Variants in HSPG2 observed in about 807,000 individuals in gnomAD.
HSPG2 encodes the protein basement membrane-specific heparan sulfate proteoglycan core protein.
A neutral mutation model predicts 526.6 loss-of-function variants in HSPG2; 278 were observed. The observed-to-expected ratio is 0.53, with a 90% confidence interval of 0.48 to 0.58. HSPG2 has a LOEUF of 0.58. HSPG2 is among the 20% of genes least tolerant of loss of function. The probability of loss-of-function intolerance (pLI) is 0.00; values close to 1 mark genes in which losing one functional copy is unlikely to be tolerated. For missense variants in HSPG2, 5,354 were observed against 6,099.5 expected (o/e 0.88, Z 4.07); for synonymous variants, 2,465 against 2,555.4 (o/e 0.96, Z 1.07).
intron 29 of HSPG2, 109 bp downstream of exon 29, chr1:21,873,804 TGCGAGGTTAAGA>T (rs923062030): frequency 2.5e-6 from 2 of 814,448 alleles, no homozygotes; most frequent in East Asian, 5.4e-5. Flanking sequence ...CTGGGGCCTG[TGCGAGGTTAAGA>T]GCGAGAGGCA....
In HSPG2 at chr1:21,839,913, G is replaced by T; in HGVS notation, c.9618C>A (p.Ala3206=). The change falls in exon 72 of 97, where the codon GCC becomes GCA. Residue 3206 remains alanine (A), a synonymous_variant. Coordinates refer to ENST00000374695, the MANE Select transcript of HSPG2 (RefSeq NM_005529.7). This position sits in a 1 kb window ranked among gnomAD's most constrained non-coding sequence, Gnocchi z 4.5. ...KQVEVIVDTG[A]MAPGAPQVQA... The stretch of plus-strand genomic sequence containing the variant: ...GGACCTGAGGGGCCCCTGGGGCCAT[G>T]GCGCCCGTGTCCACGATCACCTCCA... 6.2e-7 allele frequency: 1 copy of T among 1,614,168 alleles called. No individual in the cohort carries two copies. The highest frequency in any genetic ancestry group is 8.5e-7 in the Non-Finnish European group (1 of 1,180,034).
At chr1:21,855,487 A>C in intron 46 of HSPG2, 36 bp downstream of exon 46, 1 of 1,612,146 alleles carries the variant, frequency 6.2e-7, no homozygotes, top group South Asian at 1.1e-5. Context: ...TGGGCTGAGC[A>C]CACTCCCGGC....
chr1:21,932,829 C>G (rs1287304982), intron 1 of HSPG2, among the ~76,000 whole-genome samples: 3 of 152,228 alleles, frequency 2.0e-5, no homozygotes, highest in Admixed American at 6.5e-5. Context: ...CTTCAGAAGG[C>G]TGAGGTGGGA....
At chr1:21,836,226 T>G (rs2098025838) in intron 75 of HSPG2, among the ~76,000 whole-genome samples, 1 of 152,164 alleles carries the variant, frequency 6.6e-6, no homozygotes, top group Non-Finnish European at 1.5e-5. Context: ...GGGCCTGTTC[T>G]CTTTCCTCCG....
intron 1 of HSPG2, among the ~76,000 whole-genome samples, chr1:21,902,170 G>A (rs540229827): frequency 5.5e-4 from 84 of 152,184 alleles, no homozygotes; most frequent in African/African-American, 2.0e-3. Context: ...CCGACACAAA[G>A]GCCAAAAGGC....
At chr1:21,857,519 A>G in intron 42 of HSPG2, 134 bp from the exon 43 acceptor site, 1 of 797,478 alleles carries the variant, frequency 1.3e-6, no homozygotes, top group Non-Finnish European at 2.1e-6. Flanking sequence ...ACCCCCTGGC[A>G]CCTCCCTCCC....
rs1638648961 is a variant in HSPG2, at chr1:21,848,713, A to T, written c.7667T>A (p.Leu2556Gln). 1 of 1,613,886 alleles carries T rather than the reference A, an allele frequency of 6.2e-7. No homozygotes were observed. Among genetic ancestry groups the T allele is most frequent in the African/African-American group, 1.3e-5 (1 of 74,982 alleles). The change falls in exon 59 of 97, where the codon CTG becomes CAG. Residue 2556 changes from leucine (L) to glutamine (Q), a missense_variant. Transcript: ENST00000374695. The surrounding 1 kb of genome is among the most constrained non-coding windows in gnomAD (Gnocchi z 4.9). ...ANGHTLDLNC[L>Q]VASQAPHTIT... is the part of the protein sequence containing the mutation. ...GGTGTGGGGAGCCTGGCTGGCAACC[A>T]GGCAGTTGAGGTCCAGGGTGTGTCC...
At position 21,824,043 on chromosome 1, in the gene HSPG2, C is replaced by G; in HGVS notation, c.12899+78G>C. The G allele has an allele frequency of 7.5e-7, 1 of 1,338,142 alleles. No individual in the cohort carries two copies. Among genetic ancestry groups the G allele is most frequent in the South Asian group, 1.2e-5 (1 of 81,342 alleles). The allele number at this position is 1,338,142 out of a possible 1,614,324, so 82.9% of individuals were successfully genotyped here. On this transcript the variant is annotated intron_variant, in intron 95 of 96. Transcript: ENST00000374695. This position sits in a 1 kb window ranked among gnomAD's most constrained non-coding sequence, Gnocchi z 5.9. ...TCTCCACAGAGCTCAATACCTGCCT[C>G]TCTGCCCATGGTAGGGGGCGTCCTG...
rs759064180 is a variant in HSPG2, at chr1:21,842,235, T to C, written c.9052+4A>G. ...CCCTTGCCCATGGCATCTGCCATAC[T>C]CACGGTAGGAAGACCCCTCACTGGG... is the stretch of plus-strand genomic sequence containing the variant. On this transcript the variant is annotated splice_donor_region_variant and intron_variant, in intron 68 of 96. Transcript: ENST00000374695. The C allele has an allele frequency of 6.2e-7, 1 of 1,613,550 alleles. No individual in the cohort carries two copies. The highest frequency in any genetic ancestry group is 1.7e-5 in the Admixed American group (1 of 60,004).
chr1:21,891,865 C>G (rs1055778392), intron 3 of HSPG2, among the ~76,000 whole-genome samples: 1 of 152,164 alleles, frequency 6.6e-6, no homozygotes, highest in African/African-American at 2.4e-5. Context: ...CTCACTTTGG[C>G]CTCCCAAAGT....
chr1:21,914,006 A>G (rs915676102), intron 1 of HSPG2, among the ~76,000 whole-genome samples: 6 of 152,194 alleles, frequency 3.9e-5, no homozygotes, highest in Non-Finnish European at 7.3e-5. Flanking sequence ...CTAAGCTGTG[A>G]GTCATTTAGC....
intron 65 of HSPG2, among the ~76,000 whole-genome samples, chr1:21,843,796 G>A (rs904380033): frequency 1.3e-5 from 2 of 152,090 alleles, no homozygotes; most frequent in African/African-American, 4.8e-5. Flanking sequence ...ACAGGCATCT[G>A]CCACCATGCC....
chr1:21,902,761 G>A (rs9426778), intron 1 of HSPG2, among the ~76,000 whole-genome samples: 2,523 of 152,310 alleles, frequency 0.017, 76 homozygotes, highest in African/African-American at 0.057. Context: ...GGCCTTCAGC[G>A]GAGGCCCAGA....
At chr1:21,896,692 G>C (rs143690224) in intron 1 of HSPG2, among the ~76,000 whole-genome samples, 8 of 152,148 alleles carry the variant, frequency 5.3e-5, no homozygotes, top group African/African-American at 1.4e-4. Flanking sequence ...CAGCGCAGAT[G>C]GGGGGCACAG....
In HSPG2 at chr1:21,887,076, G is replaced by A. The variant is rs1428550207; in HGVS notation, c.1078+139C>T. ...GGCCTTCCGCACTCAGCCAGGGAGA[G>A]CAAACAAACAGGCTTGGGGGACTGG... is the stretch of plus-strand genomic sequence containing the variant. On this transcript the variant is annotated intron_variant, in intron 9 of 96. Coordinates refer to ENST00000374695, the MANE Select transcript of HSPG2 (RefSeq NM_005529.7). The surrounding 1 kb of genome is among the most constrained non-coding windows in gnomAD (Gnocchi z 5.0). 3 of 956,884 alleles carry A rather than the reference G, an allele frequency of 3.1e-6. No individual in the cohort carries two copies. Among genetic ancestry groups the A allele is most frequent in the East Asian group, 2.8e-5 (1 of 35,338 alleles). 59.3% of individuals were successfully genotyped at this position (956,884 alleles called of 1,614,324 possible).
chr1:21,897,759 G>T (rs1238632736), intron 1 of HSPG2, among the ~76,000 whole-genome samples: 1 of 152,156 alleles, frequency 6.6e-6, no homozygotes, highest in Non-Finnish European at 1.5e-5. Context: ...GGCAGGCTGG[G>T]GGTGACTGGG....
chr1:21,875,489 T>A (rs1319473384), intron 25 of HSPG2, 140 bp downstream of exon 25: 2 of 738,238 alleles, frequency 2.7e-6, no homozygotes, highest in Non-Finnish European at 4.8e-6. Flanking sequence ...GGAGACATTG[T>A]TAAGACTCTC....
chr1:21,841,003 A>G, intron 71 of HSPG2, 98 bp downstream of exon 71: 1 of 1,122,640 alleles, frequency 8.9e-7, no homozygotes. Flanking sequence ...CCATCCACTC[A>G]TCACCACCTG....
intron 1 of HSPG2, among the ~76,000 whole-genome samples, chr1:21,927,936 G>A (rs1015509851): frequency 6.6e-6 from 1 of 152,196 alleles, no homozygotes; most frequent in Non-Finnish European, 1.5e-5. Context: ...GCTGTGCCCT[G>A]GGAACCCTGC....
Sources: gnomAD v4.1 joint callset for allele counts (sites outside exome capture counted in the v4.1 genomes callset) on GRCh38, gnomAD v4.1.1 for gene constraint, Gnocchi (gnomAD v3.1) non-coding constraint, MANE v1.5 for transcripts, NCBI Gene and HGNC (gene_info 2026-07-23, HGNC 2026-07-21) for gene names.